PIK3C2G: variants seen among roughly 807,000 people sequenced by gnomAD.
PIK3C2G encodes phosphatidylinositol 3-kinase C2 domain-containing subunit gamma.
PIK3C2G carries 168 observed loss-of-function variants against 181.1 expected under a neutral mutation model. The ratio of observed to expected loss-of-function variants is 0.93; its 90% CI spans 0.82 to 1.05. The LOEUF (loss-of-function observed/expected upper bound fraction) is 1.05, where lower values mean the gene tolerates loss of function less well. Among genes scored for constraint, PIK3C2G ranks in the 50% least tolerant of loss-of-function variants. PIK3C2G has a pLI of 0.00. For synonymous variants in PIK3C2G, 573 were observed against 592.2 expected (o/e 0.97, Z 0.47); for missense variants, 1,869 against 1,732.8 (o/e 1.08, Z -1.40).
chr12:18,700,347 T>G, the PIK3C2G span, among the ~76,000 whole-genome samples: 1 of 151,904 alleles, frequency 6.6e-6, no homozygotes, highest in Non-Finnish European at 1.5e-5. Context: ...TCTTTTACAC[T>G]TCTTTTTAGC....
At chr12:18,570,254 G>T (rs745358357) in intron 29 of PIK3C2G, among the ~76,000 whole-genome samples, 1 of 150,394 alleles carries the variant, frequency 6.6e-6, no homozygotes, top group African/African-American at 2.5e-5. Context: ...CGTCACCCAC[G>T]CTGGAGTGCA....
At chr12:18,643,471 A>G (rs1949939915) in intron 32 of PIK3C2G, among the ~76,000 whole-genome samples, 2 of 152,106 alleles carry the variant, frequency 1.3e-5, no homozygotes, top group South Asian at 4.1e-4. Flanking sequence ...GTTTCTAATC[A>G]TATAAACAAT....
intron 1 of PIK3C2G, among the ~76,000 whole-genome samples, chr12:18,266,370 G>T (rs1948499844): frequency 6.6e-6 from 1 of 151,952 alleles, no homozygotes; most frequent in Non-Finnish European, 1.5e-5. Context: ...CTTTCCTCTT[G>T]TAAGACAGAA....
At position 18,325,094 on chromosome 12, in the gene PIK3C2G, C is replaced by T. The variant is rs892869584; in HGVS notation, c.1268C>T (p.Thr423Ile). The change falls in exon 8 of 33, where the codon ACC becomes ATC. Residue 423 changes from threonine (T) to isoleucine (I), a missense_variant. Physicochemically the swap from Thr to Ile is moderately conservative, Grantham distance 89. Coordinates refer to ENST00000538779, the MANE Select transcript of PIK3C2G (RefSeq NM_001288772.2). ...YDFHLKYLLK[T>I]QENVYNIIEE... ...TTCCACCTGAAATACCTATTGAAAA[C>T]CCAGGTATTGACTTTTGTTACTTTA... 3 of 1,534,574 alleles carry T rather than the reference C, an allele frequency of 2.0e-6. No homozygotes were observed. The highest frequency in any genetic ancestry group is 2.7e-5 in the African/African-American group (2 of 73,234).
chr12:18,445,461 G>A (rs1946973477), intron 18 of PIK3C2G, among the ~76,000 whole-genome samples: 1 of 151,944 alleles, frequency 6.6e-6, no homozygotes, highest in South Asian at 2.1e-4. Flanking sequence ...TGAAAATGTG[G>A]GGAAACAGAA....
chr12:18,307,817 G>A (rs1165212803), intron 5 of PIK3C2G, among the ~76,000 whole-genome samples: 5 of 150,916 alleles, frequency 3.3e-5, no homozygotes, highest in Non-Finnish European at 7.4e-5. Flanking sequence ...AATTTATCAC[G>A]TAGGCCACAG....
chr12:18,591,967 T>C (rs1019846045), intron 29 of PIK3C2G, among the ~76,000 whole-genome samples: 3 of 151,748 alleles, frequency 2.0e-5, no homozygotes, highest in Admixed American at 6.6e-5. Flanking sequence ...ATTTTATGTA[T>C]GGGGTGAGGA....
the PIK3C2G span, among the ~76,000 whole-genome samples, chr12:18,690,381 G>A: frequency 6.6e-6 from 1 of 151,976 alleles, no homozygotes; most frequent in Non-Finnish European, 1.5e-5. Context: ...ATGCCACCAT[G>A]CCCAGCTAAG....
intron 1 of PIK3C2G, among the ~76,000 whole-genome samples, chr12:18,278,237 T>C (rs1013025985): frequency 6.6e-6 from 1 of 152,202 alleles, no homozygotes; most frequent in Non-Finnish European, 1.5e-5. Context: ...ATCAGGGCTG[T>C]ATTCCTTTCT....
At chr12:18,397,843 AT>A (rs1439498309) in intron 15 of PIK3C2G, among the ~76,000 whole-genome samples, 1 of 152,104 alleles carries the variant, frequency 6.6e-6, no homozygotes, top group East Asian at 1.9e-4. Context: ...TTTATTCATA[AT>A]ACCCCCCCAA....
At chr12:18,536,374 T>C (rs1468250067) in intron 24 of PIK3C2G, among the ~76,000 whole-genome samples, 2 of 152,128 alleles carry the variant, frequency 1.3e-5, no homozygotes, top group Non-Finnish European at 2.9e-5. Flanking sequence ...ACCCATTTGA[T>C]TCTCTCAACC....
chr12:18,703,982 C>A, the PIK3C2G span, among the ~76,000 whole-genome samples: 2 of 152,070 alleles, frequency 1.3e-5, no homozygotes, highest in East Asian at 1.9e-4. Flanking sequence ...TACTATTCAT[C>A]AAAAAGAAAG....
chr12:18,274,774 G>C (rs1436067086), intron 1 of PIK3C2G, among the ~76,000 whole-genome samples: 1 of 152,038 alleles, frequency 6.6e-6, no homozygotes. Flanking sequence ...TGCACGTTGT[G>C]CACATGTACC....
At chr12:18,389,220 G>T (rs1943378014) in intron 14 of PIK3C2G, among the ~76,000 whole-genome samples, 1 of 152,112 alleles carries the variant, frequency 6.6e-6, no homozygotes, top group South Asian at 2.1e-4. Flanking sequence ...GGGTGTGGTG[G>T]TGGGCACCTG....
chr12:18,531,700 G>A (rs985413667), intron 24 of PIK3C2G, among the ~76,000 whole-genome samples: 10 of 152,126 alleles, frequency 6.6e-5, no homozygotes, highest in Non-Finnish European at 1.3e-4. Context: ...TCAAGCTGTT[G>A]TGTTTTCAAA....
chr12:18,264,922 G>T (rs2137015789), intron 1 of PIK3C2G, among the ~76,000 whole-genome samples: 1 of 152,270 alleles, frequency 6.6e-6, no homozygotes, highest in Non-Finnish European at 1.5e-5. Context: ...CACTGTAGAA[G>T]CCTGCATGGG....
At chr12:18,402,590 T>C (rs892334793) in intron 16 of PIK3C2G, among the ~76,000 whole-genome samples, 16 of 152,152 alleles carry the variant, frequency 1.1e-4, no homozygotes, top group African/African-American at 3.4e-4. Flanking sequence ...CTCTCTAATA[T>C]CTTTAAAGAA....
At chr12:18,407,397 C>T (rs980203880) in intron 16 of PIK3C2G, among the ~76,000 whole-genome samples, 1 of 151,938 alleles carries the variant, frequency 6.6e-6, no homozygotes, top group African/African-American at 2.4e-5. Context: ...AATATTAGTC[C>T]CAACATCTAT....
At chr12:18,467,243 C>T (rs567655659) in intron 18 of PIK3C2G, among the ~76,000 whole-genome samples, 1 of 152,062 alleles carries the variant, frequency 6.6e-6, no homozygotes, top group Admixed American at 6.6e-5. Flanking sequence ...AATATACAGA[C>T]ACAGCTTCAG....
Sources: allele counts gnomAD v4.1 joint callset (sites outside exome capture counted in the v4.1 genomes callset), GRCh38; gene constraint gnomAD v4.1.1; transcripts MANE v1.5; gene names NCBI Gene and HGNC (gene_info 2026-07-23, HGNC 2026-07-21).